Variants in FBLN5 observed in about 807,000 individuals in gnomAD.
FBLN5 encodes fibulin-5.
Under a neutral mutation model 61.6 loss-of-function variants are expected in FBLN5, and 24 were observed. The observed-to-expected ratio is 0.39, with a 90% CI of 0.28 to 0.55. The LOEUF (loss-of-function observed/expected upper bound fraction) is 0.55, where lower values mean the gene tolerates loss of function less well. Ranked by LOEUF, FBLN5 falls within the 20% of genes least tolerant of loss-of-function variation. The pLI, the probability that FBLN5 is intolerant of heterozygous loss-of-function variation, is 0.65. For missense variants in FBLN5, 470 were observed against 594.1 expected, an observed-to-expected ratio of 0.79 and a Z score of 2.17; for synonymous variants, 213 against 219.8, an observed-to-expected ratio of 0.97 and a Z score of 0.27.
intron 4 of FBLN5, among the ~76,000 whole-genome samples, chr14:91,912,400 T>C (rs1363996252): frequency 1.3e-5 from 2 of 152,170 alleles, no homozygotes; most frequent in South Asian, 2.1e-4. Flanking sequence ...TCCTAGCATT[T>C]ATGGGAGACC....
intron 2 of FBLN5, chr14:91,942,067 A>T: frequency 2.2e-6 from 1 of 450,430 alleles, no homozygotes; most frequent in Non-Finnish European, 4.5e-6. Flanking sequence ...GCTCAGAGAT[A>T]GGGCTTCTCT....
chr14:91,915,686 C>CAAAAA (rs34675184), intron 4 of FBLN5, among the ~76,000 whole-genome samples: 37 of 43,730 alleles, frequency 8.5e-4, no homozygotes, highest in Non-Finnish European at 1.2e-3. Flanking sequence ...GACTCCATCT[C>CAAAAA]AAAAAAAAAA....
chr14:91,937,096 C>G lies in FBLN5; in HGVS notation c.230G>C (p.Arg77Pro), dbSNP rs760345539. Residue 77 changes from arginine to proline, a missense_variant, in exon 4 of 11, where the codon CGA (arginine) becomes CCA (proline). Physicochemically the swap from Arg to Pro is moderately radical, Grantham distance 103. Coordinates refer to ENST00000342058, the MANE Select transcript of FBLN5 (RefSeq NM_006329.4). ...LCIPRTNPVY[R>P]GPYSNPYSTP... ...CGAGTAGGGGTTCGAGTAGGGCCCTCGATACACAGGGTTTGTCCGGGGAAT... is the reference window on the plus strand; with the variant it reads ...CGAGTAGGGGTTCGAGTAGGGCCCTGGATACACAGGGTTTGTCCGGGGAAT... The G allele has an allele frequency of 6.2e-7, 1 of 1,613,806 alleles. No individual in the cohort carries two copies. The highest frequency in any genetic ancestry group is 2.2e-5 in the East Asian group (1 of 44,848).
At chr14:91,909,887 A>C (rs1424912382) in intron 4 of FBLN5, among the ~76,000 whole-genome samples, 2 of 152,236 alleles carry the variant, frequency 1.3e-5, no homozygotes, top group Non-Finnish European at 2.9e-5. Flanking sequence ...ATAGAAAAAA[A>C]CGTGTTGGTG....
chr14:91,881,474 G>T (rs758717419), intron 8 of FBLN5, 56 bp from the exon 9 acceptor site: 242 of 1,604,882 alleles, frequency 1.5e-4, no homozygotes, highest in Non-Finnish European at 2.0e-4. Flanking sequence ...CAGGCCAGAC[G>T]CGTGGGGGTG....
chr14:91,893,024 G>A (rs532565785), intron 5 of FBLN5, among the ~76,000 whole-genome samples: 7 of 152,176 alleles, frequency 4.6e-5, no homozygotes, highest in African/African-American at 1.7e-4. Flanking sequence ...CGAGTTGCTG[G>A]CACCCCTCAC....
At position 91,947,453 on chromosome 14, in the gene FBLN5, T is replaced by G; in HGVS notation, c.-224A>C. The G allele has an allele frequency of 1.6e-6, 1 of 622,508 alleles. No homozygotes were observed. The allele number at this position is 622,508 out of a possible 1,614,324, so 38.6% of individuals were successfully genotyped here. ...AGCACCTGGTTTTGCTTAGCCCTCT[T>G]CAGTAATTCAGCATTAAACCAATTG... On this transcript the variant is annotated 5_prime_UTR_variant, in exon 1 of 11. An upstream open reading frame in the 5' UTR loses its in-frame stop. Coordinates refer to ENST00000342058, the MANE Select transcript of FBLN5 (RefSeq NM_006329.4). The surrounding 1 kb of genome is among the most constrained non-coding windows in gnomAD (Gnocchi z 4.3).
In FBLN5 at chr14:91,939,860, G is replaced by T. The variant is rs2056079360; in HGVS notation, c.124+705C>A. 4 of 434,696 alleles carry T rather than the reference G, an allele frequency of 9.2e-6. No homozygotes were observed. In the Admixed American group the frequency reaches 1.1e-4, roughly 12 times the overall value. 26.9% of individuals were successfully genotyped at this position (434,696 alleles called of 1,614,324 possible). On this transcript the variant is annotated intron_variant, in intron 3 of 10. Coordinates refer to ENST00000342058, the MANE Select transcript of FBLN5 (RefSeq NM_006329.4). Reference sequence around the variant, plus strand: ...TACTAAGCAGCTGACCTTGAGATGGGGAGGTTATCCTGGATTTTCTGGGTG... The same window carrying T: ...TACTAAGCAGCTGACCTTGAGATGGTGAGGTTATCCTGGATTTTCTGGGTG...
At chr14:91,915,301 A>C (rs1566817896) in intron 4 of FBLN5, among the ~76,000 whole-genome samples, 4 of 152,236 alleles carry the variant, frequency 2.6e-5, no homozygotes. Flanking sequence ...CTAAAAACTT[A>C]TTAAGTAGAC....
At chr14:91,936,923 G>C in intron 4 of FBLN5, 24 bp downstream of exon 4, 1 of 1,614,064 alleles carries the variant, frequency 6.2e-7, no homozygotes, top group South Asian at 1.1e-5. Flanking sequence ...ACAGCGGAGA[G>C]GAACAAAAGG....
At chr14:91,946,731 C>G (rs946120006) in intron 1 of FBLN5, 7 of 1,535,990 alleles carry the variant, frequency 4.6e-6, no homozygotes, top group Non-Finnish European at 5.2e-6. Context: ...GTCTGCAGTT[C>G]CCACTTCTCA....
chr14:91,908,794 G>A (rs1356442192), intron 4 of FBLN5, among the ~76,000 whole-genome samples: 1 of 152,130 alleles, frequency 6.6e-6, no homozygotes, highest in Non-Finnish European at 1.5e-5. Flanking sequence ...CAGCCAAATT[G>A]AGAACTACTG....
intron 7 of FBLN5, among the ~76,000 whole-genome samples, chr14:91,884,904 T>C (rs1383414582): frequency 1.3e-5 from 2 of 152,218 alleles, no homozygotes; most frequent in Admixed American, 6.5e-5. Flanking sequence ...AGTGGAAAGC[T>C]GAAATACAAG....
intron 9 of FBLN5, among the ~76,000 whole-genome samples, 165 bp downstream of exon 9, chr14:91,881,127 A>ACC (rs1566801116): frequency 1.1e-5 from 1 of 93,578 alleles, no homozygotes; most frequent in African/African-American, 4.6e-5. Flanking sequence ...TTCTACACAC[A>ACC]CACACACACA....
intron 4 of FBLN5, among the ~76,000 whole-genome samples, chr14:91,925,605 A>G (rs1192747557): frequency 1.3e-5 from 2 of 152,164 alleles, no homozygotes; most frequent in African/African-American, 4.8e-5. Flanking sequence ...AGTCTCCCCC[A>G]TGGCAGGAAA....
At chr14:91,937,450 T>C (rs541246798) in intron 3 of FBLN5, among the ~76,000 whole-genome samples, 96 of 152,166 alleles carry the variant, frequency 6.3e-4, no homozygotes, top group African/African-American at 2.2e-3. Flanking sequence ...CTTGCTATAG[T>C]TTGAATGTCC....
intron 4 of FBLN5, among the ~76,000 whole-genome samples, chr14:91,935,287 G>A (rs2055994908): frequency 6.6e-6 from 1 of 152,236 alleles, no homozygotes; most frequent in Admixed American, 6.5e-5. Context: ...ACACTTTGGA[G>A]AAAGCCGCAG....
At chr14:91,879,829 T>C (rs1206369894) in intron 9 of FBLN5, among the ~76,000 whole-genome samples, 1 of 152,262 alleles carries the variant, frequency 6.6e-6, no homozygotes, top group Non-Finnish European at 1.5e-5. Context: ...TTAGAGGCTG[T>C]ATTCCGAGAG....
Position 91,882,876 on chromosome 14 carries a change from T to G in FBLN5, c.862+78A>C. The G allele has an allele frequency of 4.6e-6, 7 of 1,535,692 alleles. No individual in the cohort carries two copies. Among genetic ancestry groups the G allele is most frequent in the Non-Finnish European group, 6.3e-6 (7 of 1,118,304 alleles). On this transcript the variant is annotated intron_variant, in intron 8 of 10. Coordinates refer to ENST00000342058, the MANE Select transcript of FBLN5 (RefSeq NM_006329.4). The surrounding 1 kb of genome is among the most constrained non-coding windows in gnomAD (Gnocchi z 4.9). ...CCAAAGCTGCACATGATTCCCCAGG[T>G]GAGGATATCCAGATGAGCCCCTGAA...
Sources: gnomAD v4.1 joint callset for allele counts (sites outside exome capture counted in the v4.1 genomes callset) on GRCh38, gnomAD v4.1.1 for gene constraint, Gnocchi (gnomAD v3.1) non-coding constraint, MANE v1.5 for transcripts, NCBI Gene and HGNC (gene_info 2026-07-23, HGNC 2026-07-21) for gene names.